The following KMT2E variants were observed in gnomAD, a reference collection of about 807,000 sequenced individuals.
KMT2E encodes the protein histone reader KMT2E.
KMT2E carries 30 observed loss-of-function variants against 184.6 expected under a neutral mutation model. The ratio of observed to expected loss-of-function variants is 0.16; its 90% CI spans 0.12 to 0.22. The LOEUF is 0.22. Ranked by LOEUF, KMT2E falls within the 10% of genes least tolerant of loss-of-function variation. KMT2E has a pLI of 1.00. For missense variants in KMT2E, 2,023 were observed against 2,237.4 expected, an observed-to-expected ratio of 0.90 and a Z score of 1.93; for synonymous variants, 815 against 776.5, an observed-to-expected ratio of 1.05 and a Z score of -0.82.
At chr7:105,020,861 G>T (rs1043184930) in intron 1 of KMT2E, among the ~76,000 whole-genome samples, 7 of 152,164 alleles carry the variant, frequency 4.6e-5, no homozygotes, top group African/African-American at 1.2e-4. Flanking sequence ...GAAAAGAAAA[G>T]AATTAACCAT....
At chr7:105,034,530 C>T (rs1795553368) in intron 1 of KMT2E, among the ~76,000 whole-genome samples, 1 of 152,068 alleles carries the variant, frequency 6.6e-6, no homozygotes. Context: ...ACACACCTGG[C>T]CAAGACCAGA....
At chr7:105,070,981 G>A (rs1416155071) in intron 6 of KMT2E, among the ~76,000 whole-genome samples, 1 of 152,054 alleles carries the variant, frequency 6.6e-6, no homozygotes, top group African/African-American at 2.4e-5. Flanking sequence ...GTAAAGCAAG[G>A]TAGACAAATA....
chr7:105,095,435 TGGA>T (rs973306153), intron 15 of KMT2E, among the ~76,000 whole-genome samples: 7 of 152,214 alleles, frequency 4.6e-5, no homozygotes, highest in Admixed American at 3.9e-4. Context: ...AGGCTGTTTT[TGGA>T]GGAGGAGAGG....
chr7:105,064,792 T>C (rs1049629254), intron 5 of KMT2E, among the ~76,000 whole-genome samples: 4 of 152,010 alleles, frequency 2.6e-5, no homozygotes, highest in African/African-American at 7.2e-5. Context: ...AGTGACACTT[T>C]GCTTTCCTCA....
chr7:105,094,659 A>C (rs1452282223), intron 15 of KMT2E, among the ~76,000 whole-genome samples: 2 of 152,084 alleles, frequency 1.3e-5, no homozygotes, highest in African/African-American at 4.8e-5. Flanking sequence ...TCCCAGATAA[A>C]CTCCATGTAA....
chr7:105,043,746 TACAAC>T (rs1795985614), intron 3 of KMT2E, among the ~76,000 whole-genome samples: 2 of 152,324 alleles, frequency 1.3e-5, no homozygotes, highest in Admixed American at 1.3e-4. Flanking sequence ...AATTTAGAAT[TACAAC>T]ACATTTGGAA....
intron 6 of KMT2E, among the ~76,000 whole-genome samples, chr7:105,067,820 A>G (rs994450013): frequency 2.0e-5 from 3 of 152,100 alleles, no homozygotes; most frequent in Non-Finnish European, 4.4e-5. Flanking sequence ...AAAATACAGA[A>G]GATGAGCCAG....
chr7:105,082,566 A>T (rs570097767), intron 13 of KMT2E, among the ~76,000 whole-genome samples: 2 of 152,240 alleles, frequency 1.3e-5, no homozygotes, highest in East Asian at 3.9e-4. Context: ...CTTCATCCTC[A>T]TCTTCATGTT....
chr7:105,096,505 G>A (rs1368058299), intron 15 of KMT2E, among the ~76,000 whole-genome samples: 1 of 152,116 alleles, frequency 6.6e-6, no homozygotes, highest in Non-Finnish European at 1.5e-5. Flanking sequence ...GTATGACAAG[G>A]AAGTCACGTA....
intron 6 of KMT2E, among the ~76,000 whole-genome samples, chr7:105,068,604 A>G (rs907769717): frequency 7.1e-6 from 1 of 141,538 alleles, no homozygotes; most frequent in African/African-American, 2.7e-5. Context: ...AGGCATCGCC[A>G]CCATGCCTGA....
chr7:105,054,478 ATC>A (rs1796487097), intron 3 of KMT2E, among the ~76,000 whole-genome samples: 1 of 149,394 alleles, frequency 6.7e-6, no homozygotes, highest in Admixed American at 6.7e-5. Flanking sequence ...CTATCTATCT[ATC>A]TATCTATCTA....
intron 11 of KMT2E, among the ~76,000 whole-genome samples, chr7:105,078,505 T>TTTTGTTTG (rs781174899): frequency 6.6e-5 from 10 of 151,980 alleles, no homozygotes; most frequent in African/African-American, 2.2e-4. Context: ...AAATGTTGAC[T>TTTTGTTTG]TTTGTTTGTT....
At chr7:105,051,280 G>A (rs775618072) in intron 3 of KMT2E, among the ~76,000 whole-genome samples, 12 of 152,150 alleles carry the variant, frequency 7.9e-5, no homozygotes, top group Non-Finnish European at 1.3e-4. Flanking sequence ...CCGCTTTCGA[G>A]GTTCAAGCGA....
At position 105,074,798 on chromosome 7, in the gene KMT2E, A is replaced by T. The variant is rs141204161; in HGVS notation, c.712A>T (p.Ile238Phe). The change falls in exon 8 of 27, where the codon ATT (isoleucine) becomes TTT (phenylalanine). Residue 238 changes from isoleucine to phenylalanine, a missense_variant. By Grantham distance (21) the Ile-to-Phe change is conservative (BLOSUM62 0). Transcript: ENST00000311117. ...AAAAAGCGGGGAGAAAGAACAACAC[A>T]TTTCAAAATGTAAAAAGGTACGTTT... ...RKKSGEKEQHISKCKKAFREG... is the reference protein window; with the variant it reads ...RKKSGEKEQHFSKCKKAFREG... The T allele has an allele frequency of 1.8e-5, 29 of 1,604,044 alleles. No individual in the cohort carries two copies. Among genetic ancestry groups the T allele is most frequent in the African/African-American group, 1.2e-4 (9 of 74,252 alleles).
chr7:105,040,886 T>C lies in KMT2E; in HGVS notation c.-67T>C. ...TTTGCAATGAGCACTGTGGCTGGCA[T>C]GCCCCAGTGTTTTGGATACCAATGC... On this transcript the variant is annotated 5_prime_UTR_variant, in exon 3 of 27. An upstream start codon of the reference 5' UTR is lost. Transcript: ENST00000311117. 8.8e-7 allele frequency: 1 copy of C among 1,137,192 alleles called. No homozygotes were observed. The highest frequency in any genetic ancestry group is 2.4e-5 in the East Asian group (1 of 42,468). The allele number at this position is 1,137,192 out of a possible 1,614,324, so 70.4% of individuals were successfully genotyped here.
intron 3 of KMT2E, among the ~76,000 whole-genome samples, chr7:105,059,983 T>TTG (rs1316515392): frequency 6.2e-5 from 2 of 32,510 alleles, no homozygotes; most frequent in Non-Finnish European, 9.9e-5. Flanking sequence ...TTGTTGTTTT[T>TTG]TTTTTTTTTT....
At chr7:105,054,203 T>A (rs1276966410) in intron 3 of KMT2E, among the ~76,000 whole-genome samples, 2 of 151,618 alleles carry the variant, frequency 1.3e-5, no homozygotes, top group Non-Finnish European at 2.9e-5. Flanking sequence ...TTTTTTTTTT[T>A]AAAGAAAGGC....
At chr7:105,028,799 C>T (rs112269055) in intron 1 of KMT2E, among the ~76,000 whole-genome samples, 1,870 of 152,104 alleles carry the variant, frequency 0.012, 36 homozygotes, top group African/African-American at 0.042. Flanking sequence ...CCACCGTGCA[C>T]GGCCTGAGAC....
intron 3 of KMT2E, among the ~76,000 whole-genome samples, chr7:105,042,929 A>G (rs560166795): frequency 6.6e-6 from 1 of 152,178 alleles, no homozygotes; most frequent in Non-Finnish European, 1.5e-5. Context: ...GGCTATGGTT[A>G]TATTATTGAA....
Sources: gnomAD v4.1 joint callset for allele counts (sites outside exome capture counted in the v4.1 genomes callset) on GRCh38, gnomAD v4.1.1 for gene constraint, MANE v1.5 for transcripts, NCBI Gene and HGNC (gene_info 2026-07-23, HGNC 2026-07-21) for gene names.